ADAMTSL1: variants seen among roughly 807,000 people sequenced by gnomAD.
The protein encoded by ADAMTSL1 is ADAMTS-like protein 1.
In ADAMTSL1, 126 loss-of-function variants were observed where a neutral mutation model predicts 201.8. The observed-to-expected ratio is 0.62, with a 90% CI of 0.54 to 0.72. ADAMTSL1 has a LOEUF of 0.72. Ranked by LOEUF, ADAMTSL1 falls within the 30% of genes least tolerant of loss-of-function variation. The probability of loss-of-function intolerance (pLI) is 0.00; values close to 1 mark genes in which losing one functional copy is unlikely to be tolerated. For synonymous variants in ADAMTSL1, 1,121 were observed against 903.4 expected (o/e 1.24, Z -4.32); for missense variants, 2,679 against 2,277.8 (o/e 1.18, Z -3.59).
intron 12 of ADAMTSL1, among the ~76,000 whole-genome samples, chr9:18,683,574 A>G (rs895570824): frequency 7.9e-5 from 12 of 152,146 alleles, no homozygotes; most frequent in Non-Finnish European, 1.8e-4. Context: ...AAAATGATGT[A>G]TGTATAGGTA....
chr9:17,988,961 C>T lies in ADAMTSL1; in HGVS notation c.87+82039C>T, dbSNP rs76706379. On this transcript the variant is annotated intron_variant, in intron 1 of 29. Transcript: ENST00000680146. Reference sequence around the variant, plus strand: ...CCTTTCCCATGCATGACATTAAATACTAAGAACAAAATGATTTTTGTCAGG... The same window carrying T: ...CCTTTCCCATGCATGACATTAAATATTAAGAACAAAATGATTTTTGTCAGG... Among the ~76,000 whole-genome samples the T allele has an allele frequency of 8.2e-3, 1,242 of 151,896 alleles. 22 individuals carry two copies. Among genetic ancestry groups the T allele is most frequent in the African/African-American group, 0.029 (1,188 of 41,460 alleles).
chr9:18,793,805 A>G (rs937966116), intron 19 of ADAMTSL1, among the ~76,000 whole-genome samples: 2 of 152,124 alleles, frequency 1.3e-5, no homozygotes, highest in African/African-American at 4.8e-5. Flanking sequence ...CAACCCTTCT[A>G]GATTCCCTCC....
chr9:18,695,048 C>T (rs1229163417), intron 13 of ADAMTSL1, among the ~76,000 whole-genome samples: 1 of 152,206 alleles, frequency 6.6e-6, no homozygotes. Flanking sequence ...ATATCTGGAG[C>T]CCTTTTAGCC....
At chr9:18,035,928 C>T (rs771840735) in intron 1 of ADAMTSL1, among the ~76,000 whole-genome samples, 2 of 152,112 alleles carry the variant, frequency 1.3e-5, no homozygotes, top group African/African-American at 2.4e-5. Flanking sequence ...TGATGGGGAC[C>T]TATAGTGGAA....
intron 7 of ADAMTSL1, among the ~76,000 whole-genome samples, chr9:18,645,286 TA>T (rs1233840687): frequency 3.3e-5 from 5 of 152,224 alleles, no homozygotes; most frequent in Non-Finnish European, 7.3e-5. Flanking sequence ...TTCTGGATAT[TA>T]GCCCTTTGTC....
At chr9:18,643,179 T>C (rs559127485) in intron 7 of ADAMTSL1, among the ~76,000 whole-genome samples, 7 of 152,220 alleles carry the variant, frequency 4.6e-5, no homozygotes, top group African/African-American at 1.7e-4. Context: ...ATTAATGATG[T>C]TGAGCATTTT....
intron 2 of ADAMTSL1, among the ~76,000 whole-genome samples, chr9:18,340,518 A>G (rs1835425421): frequency 6.6e-6 from 1 of 152,100 alleles, no homozygotes; most frequent in Admixed American, 6.6e-5. Context: ...CTGTGACTCA[A>G]GTAATCACCA....
intron 2 of ADAMTSL1, among the ~76,000 whole-genome samples, chr9:18,206,434 A>T (rs1225867484): frequency 6.6e-6 from 1 of 152,054 alleles, no homozygotes; most frequent in East Asian, 1.9e-4. Flanking sequence ...TTTCTCTTTA[A>T]TGAAGCTATC....
upstream of ADAMTSL1, among the ~76,000 whole-genome samples, chr9:18,471,054 G>C (rs866069752): frequency 5.9e-5 from 9 of 152,196 alleles, no homozygotes; most frequent in Middle Eastern, 3.2e-3. Flanking sequence ...TATGGATCTA[G>C]ATTACCTAAA....
intron 1 of ADAMTSL1, among the ~76,000 whole-genome samples, chr9:17,967,798 C>G (rs768637856): frequency 1.3e-5 from 2 of 152,064 alleles, no homozygotes; most frequent in Non-Finnish European, 2.9e-5. Context: ...ATAATTTTAA[C>G]ATGTATATAC....
intron 1 of ADAMTSL1, among the ~76,000 whole-genome samples, chr9:17,985,492 A>G (rs1818888287): frequency 6.6e-6 from 1 of 152,152 alleles, no homozygotes; most frequent in South Asian, 2.1e-4. Flanking sequence ...AGTTCTGAGT[A>G]CTACAAAAAA....
chr9:18,406,016 G>T (rs1333879469), intron 2 of ADAMTSL1, among the ~76,000 whole-genome samples: 2 of 152,140 alleles, frequency 1.3e-5, no homozygotes, highest in Non-Finnish European at 2.9e-5. Context: ...AGAATGTTAG[G>T]TCTTGAACAA....
chr9:18,003,948 A>G (rs1771783401), intron 1 of ADAMTSL1, among the ~76,000 whole-genome samples: 1 of 152,028 alleles, frequency 6.6e-6, no homozygotes, highest in African/African-American at 2.4e-5. Flanking sequence ...AGAGTCAACT[A>G]TTGAAGTTGG....
chr9:18,529,848 C>G (rs1310665050), intron 2 of ADAMTSL1, among the ~76,000 whole-genome samples: 2 of 152,114 alleles, frequency 1.3e-5, no homozygotes, highest in Non-Finnish European at 2.9e-5. Flanking sequence ...ACCTGCAAAT[C>G]CATATTAGGC....
chr9:18,409,713 A>T (rs1013452144), intron 2 of ADAMTSL1, among the ~76,000 whole-genome samples: 2 of 150,674 alleles, frequency 1.3e-5, no homozygotes, highest in African/African-American at 4.9e-5. Context: ...CAGCCATAAC[A>T]TGTATGTATG....
At chr9:18,028,085 G>C (rs566397791) in intron 1 of ADAMTSL1, among the ~76,000 whole-genome samples, 1 of 151,944 alleles carries the variant, frequency 6.6e-6, no homozygotes, top group Admixed American at 6.6e-5. Flanking sequence ...CCTTTACTTT[G>C]AGCCTATGGG....
intron 1 of ADAMTSL1, among the ~76,000 whole-genome samples, chr9:18,499,186 A>G (rs1587383448): frequency 6.6e-6 from 1 of 152,250 alleles, no homozygotes; most frequent in Admixed American, 6.5e-5. Context: ...TGCAGCTGTG[A>G]TAAGAACCAG....
chr9:18,614,364 A>G (rs1825572387), intron 4 of ADAMTSL1, among the ~76,000 whole-genome samples: 1 of 152,176 alleles, frequency 6.6e-6, no homozygotes, highest in African/African-American at 2.4e-5. Context: ...ACACAGTGCT[A>G]TTCAGCCTAG....
intron 1 of ADAMTSL1, among the ~76,000 whole-genome samples, chr9:18,498,219 G>A (rs986774033): frequency 5.3e-5 from 8 of 151,970 alleles, no homozygotes; most frequent in Non-Finnish European, 1.2e-4. Context: ...GCATGGGGGT[G>A]GGGGCAGGGA....
Sources: allele counts gnomAD v4.1 joint callset (sites outside exome capture counted in the v4.1 genomes callset), GRCh38; gene constraint gnomAD v4.1.1; transcripts MANE v1.5; gene names NCBI Gene and HGNC (gene_info 2026-07-23, HGNC 2026-07-21).